LRRC49: variants seen among roughly 807,000 people sequenced by gnomAD.
LRRC49 encodes leucine rich repeat containing 49.
Under a neutral mutation model 83.3 loss-of-function variants are expected in LRRC49, and 50 were observed. The observed-to-expected ratio is 0.60, with a 90% CI of 0.48 to 0.76. The LOEUF is 0.76. Ranked by LOEUF, LRRC49 falls within the 30% of genes least tolerant of loss-of-function variation. The pLI is 0.00. For missense variants in LRRC49, 704 were observed against 809.1 expected, an observed-to-expected ratio of 0.87 and a Z score of 1.58; for synonymous variants, 286 against 283.3, an observed-to-expected ratio of 1.01 and a Z score of -0.10.
chr15:70,994,325 C>G (rs560191981), intron 11 of LRRC49, among the ~76,000 whole-genome samples: 1 of 152,076 alleles, frequency 6.6e-6, no homozygotes, highest in Non-Finnish European at 1.5e-5. Context: ...ATCCATTTCA[C>G]TTATCTGTTT....
chr15:70,968,486 G>C (rs945921656), intron 9 of LRRC49, among the ~76,000 whole-genome samples: 5 of 152,072 alleles, frequency 3.3e-5, no homozygotes, highest in African/African-American at 1.2e-4. Flanking sequence ...ATAATCCTTT[G>C]GGTATATACC....
Position 70,862,372 on chromosome 15 carries a change from A to T in LRRC49, c.-299+8903A>T, listed in dbSNP as rs562738523. Among the ~76,000 whole-genome samples the T allele has an allele frequency of 1.1e-4, 17 of 152,128 alleles. No homozygotes were observed. The East Asian group carries it at 2.7e-3, about 24-fold the overall frequency. ...GGCGGGCGTATCACAAGGCCAGGAG[A>T]TCGAGACCATCCTGGCTAACAACGT... On this transcript the variant is annotated intron_variant, in intron 1 of 16. Coordinates refer to the LRRC49 transcript ENST00000544974.
chr15:71,009,941 T>G lies in LRRC49; in HGVS notation c.1542T>G (p.Tyr514Ter). 6.2e-7 allele frequency: 1 copy of G among 1,611,988 alleles called. No individual in the cohort carries two copies. Among genetic ancestry groups the G allele is most frequent in the South Asian group, 1.1e-5 (1 of 90,860 alleles). Residue 514 changes from tyrosine (Y) to a stop codon, truncating the protein, a stop_gained, in exon 13 of 16, where the codon TAT becomes TAG. Transcript: ENST00000260382. LOFTEE classifies it high-confidence loss of function. Reference sequence around the variant, plus strand: ...TCAATTTTACACTCTGGAAATACTATGTACTGTTTAGGCTAAGCCATTTCA... The same window carrying G: ...TCAATTTTACACTCTGGAAATACTAGGTACTGTTTAGGCTAAGCCATTTCA... ...PVVNFTLWKYYVLFRLSHFSM... is the reference protein window; with the variant it reads ...PVVNFTLWKY
At chr15:70,860,594 A>G (rs775306010) in intron 1 of LRRC49, among the ~76,000 whole-genome samples, 3 of 152,138 alleles carry the variant, frequency 2.0e-5, no homozygotes, top group Non-Finnish European at 4.4e-5. Flanking sequence ...AGTTTTTTGT[A>G]GAGATAGGGT....
At chr15:70,876,669 C>T (rs1403856602) in intron 2 of LRRC49, among the ~76,000 whole-genome samples, 1 of 152,180 alleles carries the variant, frequency 6.6e-6, no homozygotes, top group African/African-American at 2.4e-5. Context: ...TTTCCTTGTT[C>T]ACAAATCCGT....
chr15:70,989,734 G>T (rs1013176937), intron 11 of LRRC49, among the ~76,000 whole-genome samples: 11 of 152,098 alleles, frequency 7.2e-5, no homozygotes, highest in African/African-American at 2.7e-4. Flanking sequence ...CAGTTTTTCT[G>T]CTCTGTTTTT....
intron 8 of LRRC49, among the ~76,000 whole-genome samples, chr15:70,948,195 G>C (rs1409630785): frequency 6.6e-6 from 1 of 151,766 alleles, no homozygotes; most frequent in Non-Finnish European, 1.5e-5. Flanking sequence ...CTAGATATCA[G>C]AGGTTCTTCC....
At chr15:70,987,780 T>C (rs2037687929) in intron 11 of LRRC49, among the ~76,000 whole-genome samples, 1 of 152,204 alleles carries the variant, frequency 6.6e-6, no homozygotes, top group Non-Finnish European at 1.5e-5. Flanking sequence ...TTTAGTGCTA[T>C]AAGTTTCCCT....
At chr15:70,941,426 T>A (rs867590566) in intron 8 of LRRC49, among the ~76,000 whole-genome samples, 18 of 151,544 alleles carry the variant, frequency 1.2e-4, no homozygotes, top group South Asian at 4.2e-4. Flanking sequence ...TGATAGTTTC[T>A]GAGGACGATT....
intron 1 of LRRC49, among the ~76,000 whole-genome samples, chr15:70,854,451 G>A (rs969908920): frequency 2.0e-5 from 3 of 152,180 alleles, no homozygotes; most frequent in Non-Finnish European, 4.4e-5. Flanking sequence ...CTCCTCCTGC[G>A]CCTTCTTTCA....
At chr15:70,901,706 T>G in intron 4 of LRRC49, among the ~76,000 whole-genome samples, 1 of 152,360 alleles carries the variant, frequency 6.6e-6, no homozygotes, top group Non-Finnish European at 1.5e-5. Context: ...CTTATTATGT[T>G]TAGTGTCTGT....
At chr15:70,970,130 T>A (rs1214120194) in intron 9 of LRRC49, among the ~76,000 whole-genome samples, 2 of 152,226 alleles carry the variant, frequency 1.3e-5, no homozygotes, top group Admixed American at 1.3e-4. Flanking sequence ...AAATAGCTCT[T>A]ATTATTTTGA....
At chr15:70,920,167 T>C (rs1408271025) in intron 7 of LRRC49, among the ~76,000 whole-genome samples, 1 of 152,216 alleles carries the variant, frequency 6.6e-6, no homozygotes, top group Non-Finnish European at 1.5e-5. Flanking sequence ...CTTAGCTGTT[T>C]CAATACCTTG....
At chr15:70,937,165 A>G (rs1226700125) in intron 8 of LRRC49, among the ~76,000 whole-genome samples, 4 of 152,140 alleles carry the variant, frequency 2.6e-5, no homozygotes, top group African/African-American at 4.8e-5. Flanking sequence ...TCTTTCATAA[A>G]TTGTCAGCTA....
intron 11 of LRRC49, among the ~76,000 whole-genome samples, chr15:71,006,306 T>C (rs2038455230): frequency 6.6e-6 from 1 of 152,158 alleles, no homozygotes; most frequent in African/African-American, 2.4e-5. Context: ...AACTTTTAAT[T>C]ATGTGGAAAA....
chr15:71,039,104 A>C (rs1032421402), intron 15 of LRRC49, among the ~76,000 whole-genome samples: 1 of 152,190 alleles, frequency 6.6e-6, no homozygotes, highest in African/African-American at 2.4e-5. Flanking sequence ...AGCTATATTA[A>C]AAAGGGGAAA....
chr15:70,982,675 G>GGT (rs1343479444), intron 10 of LRRC49, among the ~76,000 whole-genome samples: 1 of 152,088 alleles, frequency 6.6e-6, no homozygotes, highest in Non-Finnish European at 1.5e-5. Flanking sequence ...GCAGTTCACA[G>GGT]GTGTGACTGT....
Position 70,859,989 on chromosome 15 carries a change from C to T in LRRC49, c.-299+6520C>T. ...GGCTATGCAGGTGGTCTGAGCTCCA[C>T]CTATGGGGACCTCACAAGCCCCGGC... On this transcript the variant is annotated intron_variant, in intron 1 of 16. Coordinates refer to the LRRC49 transcript ENST00000544974. 1.1e-5 allele frequency: 8 copies of T among 755,704 alleles called. 1 individual carries two copies. In the South Asian group the frequency reaches 1.1e-4, roughly 10 times the overall value. 46.8% of individuals were successfully genotyped at this position (755,704 alleles called of 1,614,324 possible).
intron 1 of LRRC49, among the ~76,000 whole-genome samples, chr15:70,861,954 A>T (rs1199698133): frequency 6.6e-6 from 1 of 152,154 alleles, no homozygotes; most frequent in Non-Finnish European, 1.5e-5. Flanking sequence ...GTTTTATTTT[A>T]GAAGGGTGAA....
Sources: allele counts gnomAD v4.1 joint callset (sites outside exome capture counted in the v4.1 genomes callset), GRCh38; gene constraint gnomAD v4.1.1; transcripts MANE v1.5; gene names NCBI Gene and HGNC (gene_info 2026-07-23, HGNC 2026-07-21).